TOP6BL: variants seen among roughly 807,000 people sequenced by gnomAD.
TOP6BL encodes the protein TOP6B like initiator of meiotic double strand breaks.
chr11:66,829,654 G>A, the TOP6BL span, among the ~76,000 whole-genome samples: 10 of 151,710 alleles, frequency 6.6e-5, no homozygotes, highest in African/African-American at 1.9e-4. Context: ...TTGGGAGGCC[G>A]AGGCAGGTGG....
At chr11:66,792,361 T>C in the TOP6BL span, among the ~76,000 whole-genome samples, 1 of 152,232 alleles carries the variant, frequency 6.6e-6, no homozygotes, top group Non-Finnish European at 1.5e-5. Flanking sequence ...GTCTTATTTA[T>C]TTTTATAAGC....
At chr11:66,802,190 C>T in the TOP6BL span, among the ~76,000 whole-genome samples, 2 of 151,382 alleles carry the variant, frequency 1.3e-5, no homozygotes, top group African/African-American at 4.9e-5. Context: ...GACGGAGTCT[C>T]GCTCTTTCGC....
chr11:66,804,025 C>G, the TOP6BL span: 1 of 1,612,156 alleles, frequency 6.2e-7, no homozygotes, highest in South Asian at 1.1e-5. Flanking sequence ...TTGAATCACA[C>G]TGCAGCAGAA....
At chr11:66,756,150 A>G in the TOP6BL span, among the ~76,000 whole-genome samples, 1 of 152,254 alleles carries the variant, frequency 6.6e-6, no homozygotes, top group Admixed American at 6.5e-5. Flanking sequence ...GATGTTTCCC[A>G]AAATGTATGC....
the TOP6BL span, among the ~76,000 whole-genome samples, chr11:66,811,621 G>A: frequency 6.6e-6 from 1 of 152,184 alleles, no homozygotes; most frequent in Non-Finnish European, 1.5e-5. Context: ...GGAGAGAAGT[G>A]GAAGTATATT....
the TOP6BL span, among the ~76,000 whole-genome samples, chr11:66,781,565 C>T: frequency 2.6e-5 from 4 of 152,098 alleles, no homozygotes; most frequent in South Asian, 8.3e-4. Flanking sequence ...GAGACAGGGT[C>T]TCACTCTGTC....
the TOP6BL span, chr11:66,800,801 A>C: frequency 1.8e-6 from 2 of 1,105,774 alleles, no homozygotes; most frequent in South Asian, 1.5e-5. Context: ...ATCTTGACCC[A>C]AAGTCACCTT....
chr11:66,832,573 C>T, the TOP6BL span, among the ~76,000 whole-genome samples: 1 of 152,212 alleles, frequency 6.6e-6, no homozygotes, highest in African/African-American at 2.4e-5. Context: ...TAGAGAGGCA[C>T]AGAGCAGCAG....
At chr11:66,843,449 G>C in the TOP6BL span, 1 of 1,402,384 alleles carries the variant, frequency 7.1e-7, no homozygotes, top group Non-Finnish European at 9.2e-7. Flanking sequence ...CCGCGGGTCA[G>C]GGCGCAATGG....
chr11:66,828,621 G>A, the TOP6BL span: 4 of 384,828 alleles, frequency 1.0e-5, no homozygotes, highest in African/African-American at 4.1e-5. Context: ...CAGGCAGGAG[G>A]GTAGATTCAG....
chr11:66,834,251 C>A, the TOP6BL span, among the ~76,000 whole-genome samples: 1 of 152,100 alleles, frequency 6.6e-6, no homozygotes, highest in East Asian at 1.9e-4. Context: ...AATAGCAAGG[C>A]TAGAATTTGT....
the TOP6BL span, among the ~76,000 whole-genome samples, chr11:66,836,445 G>A: frequency 6.6e-6 from 1 of 151,774 alleles, no homozygotes; most frequent in Admixed American, 6.6e-5. Flanking sequence ...TCCTGATTTT[G>A]TGATCCGCCC....
At chr11:66,767,511 T>C in the TOP6BL span, among the ~76,000 whole-genome samples, 6 of 152,234 alleles carry the variant, frequency 3.9e-5, no homozygotes, top group Non-Finnish European at 4.4e-5. Context: ...ATATTATTTT[T>C]ATTTTTGTCT....
chr11:66,761,167 C>T, the TOP6BL span, among the ~76,000 whole-genome samples: 2 of 151,840 alleles, frequency 1.3e-5, no homozygotes, highest in Non-Finnish European at 2.9e-5. Flanking sequence ...GTCAGGAGAT[C>T]GAGACCATCC....
At chr11:66,757,005 C>T in the TOP6BL span, among the ~76,000 whole-genome samples, 1 of 143,582 alleles carries the variant, frequency 7.0e-6, no homozygotes, top group Non-Finnish European at 1.5e-5. Flanking sequence ...ACCACCATGC[C>T]TGGCCATAAG....
chr11:66,823,279 A>G, the TOP6BL span, among the ~76,000 whole-genome samples: 1 of 144,652 alleles, frequency 6.9e-6, no homozygotes, highest in South Asian at 2.3e-4. Context: ...AGGTGACAAC[A>G]GCGAGACTCC....
At chr11:66,834,367 T>C in the TOP6BL span, among the ~76,000 whole-genome samples, 1 of 152,218 alleles carries the variant, frequency 6.6e-6, no homozygotes, top group South Asian at 2.1e-4. Context: ...GAACCCATGA[T>C]TCTCCACTCA....
chr11:66,838,077 G>T, the TOP6BL span, among the ~76,000 whole-genome samples: 3 of 152,208 alleles, frequency 2.0e-5, no homozygotes, highest in African/African-American at 7.2e-5. Flanking sequence ...GGGCACACAG[G>T]ATACTTGCAG....
At chr11:66,800,935 C>T in the TOP6BL span, 4 of 1,293,450 alleles carry the variant, frequency 3.1e-6, no homozygotes, top group South Asian at 1.3e-5. Flanking sequence ...TTCTAGTAAT[C>T]GCTGGGGTGG....
Sources: gnomAD v4.1 joint callset for allele counts (sites outside exome capture counted in the v4.1 genomes callset) on GRCh38, gnomAD v4.1.1 for gene constraint, MANE v1.5 for transcripts, NCBI Gene and HGNC (gene_info 2026-07-23, HGNC 2026-07-21) for gene names.